Variants in TMEM80 observed in about 807,000 individuals in gnomAD.
TMEM80 encodes the protein transmembrane protein 80.
Under a neutral mutation model 13.6 loss-of-function variants are expected in TMEM80, and 16 were observed. The observed-to-expected ratio is 1.17, with a 90% CI of 0.79 to 1.78. The LOEUF is 1.78. Among genes scored for constraint, TMEM80 ranks in the 40% most tolerant of loss-of-function variants. The pLI is 0.00. For missense variants in TMEM80, 167 were observed against 184.6 expected (o/e 0.90, Z 0.55); for synonymous variants, 92 against 89.5 (o/e 1.03, Z -0.16).
intron 4 of TMEM80, among the ~76,000 whole-genome samples, chr11:701,465 C>A (rs1861472440): frequency 7.5e-6 from 1 of 133,762 alleles, no homozygotes; most frequent in Non-Finnish European, 1.5e-5. Context: ...GGCTGGAGTG[C>A]AGTGGCGTGA....
Position 704,029 on chromosome 11 carries a change from C to G in TMEM80, c.*879C>G. The stretch of plus-strand genomic sequence containing the variant: ...ACAGTAGCTTTCCCTTCACTTGATT[C>G]TATTGTGTGTTTTCTATGTTTGGAA... On this transcript the variant is annotated 3_prime_UTR_variant, in exon 5 of 5. Coordinates refer to ENST00000397510, the MANE Select transcript of TMEM80 (RefSeq NM_001042463.3). 4.2e-6 allele frequency: 5 copies of G among 1,196,044 alleles called. No individual in the cohort carries two copies. Among genetic ancestry groups the G allele is most frequent in the Non-Finnish European group, 3.1e-6 (3 of 963,636 alleles). 74.1% of individuals were successfully genotyped at this position (1,196,044 alleles called of 1,614,324 possible).
chr11:699,750 TC>T (rs1223025061), intron 2 of TMEM80: 2 of 180,024 alleles, frequency 1.1e-5, no homozygotes, highest in African/African-American at 4.8e-5. Flanking sequence ...AGACTCTATC[TC>T]AAAAAAAAAA....
chr11:700,705 T>C lies in TMEM80; in HGVS notation c.224T>C (p.Leu75Pro). 6.2e-7 allele frequency: 1 copy of C among 1,613,612 alleles called. No homozygotes were observed. Among genetic ancestry groups the C allele is most frequent in the South Asian group, 1.1e-5 (1 of 91,070 alleles). Residue 75 changes from leucine (L) to proline (P), a missense_variant and splice_region_variant, in exon 4 of 5, where the codon CTG becomes CCG. Physicochemically the swap from Leu to Pro is moderately conservative, Grantham distance 98. Coordinates refer to ENST00000397510, the MANE Select transcript of TMEM80 (RefSeq NM_001042463.3). The stretch of plus-strand genomic sequence containing the variant: ...ATTCTAGAAGCAGTTCGGTTATACC[T>C]GGGTGAGTGGACTGTTAACACCGTG... ...MGILEAVRLY[L>P]GTRGNLTEAE...
At chr11:695,960 C>A in intron 1 of TMEM80, 114 bp downstream of exon 1, 1 of 844,672 alleles carries the variant, frequency 1.2e-6, no homozygotes, top group Non-Finnish European at 1.6e-6. Context: ...GCCACCGTCT[C>A]TACGTGAGCG....
intron 2 of TMEM80, 198 bp downstream of exon 2, chr11:699,086 C>G (rs1861329754): frequency 1.5e-6 from 1 of 659,690 alleles, no homozygotes; most frequent in African/African-American, 1.8e-5. Context: ...CCCCTACCTG[C>G]TCAGCCCTGC....
Position 698,873 on chromosome 11 carries a change from A to G in TMEM80, c.24A>G (p.Arg8=), listed in dbSNP as rs1564960753. 1.2e-6 allele frequency: 2 copies of G among 1,613,998 alleles called. No homozygotes were observed. The highest frequency in any genetic ancestry group is 1.7e-6 in the Non-Finnish European group (2 of 1,180,016). The change falls in exon 2 of 5, where the codon AGA becomes AGG. Residue 8 remains arginine, a synonymous_variant. Coordinates refer to ENST00000397510, the MANE Select transcript of TMEM80 (RefSeq NM_001042463.3). MAAPRRG[R]GSSTVLSSVP... Reference sequence around the variant, plus strand: ...CACGGCCCCTTTCTCTTTCAGGGAGAGGATCCTCCACAGTGGTATCCTGCT... The same window carrying G: ...CACGGCCCCTTTCTCTTTCAGGGAGGGGATCCTCCACAGTGGTATCCTGCT...
At chr11:699,586 A>T in intron 2 of TMEM80, 1 of 154,558 alleles carries the variant, frequency 6.5e-6, no homozygotes, top group Non-Finnish European at 1.4e-5. Context: ...GTCCCTACTA[A>T]AAATACAAAA....
rs778048624 is a variant in TMEM80 at position 700,636 on chromosome 11, A to C, written c.155A>C (p.His52Pro). ...TCAGGTCAGGTGTTCAGCTATCCTC[A>C]CCGCTACCTGGTCCTCGATCTTGCT... ...TYKSQVFSYPHRYLVLDLALL... is the reference protein window; with the variant it reads ...TYKSQVFSYPPRYLVLDLALL... Residue 52 changes from histidine to proline, a missense_variant, in exon 4 of 5, where the codon CAC (histidine) becomes CCC (proline). Physicochemically the swap from His to Pro is moderately conservative, Grantham distance 77. Coordinates refer to ENST00000397510, the MANE Select transcript of TMEM80 (RefSeq NM_001042463.3). 2 of 1,613,780 alleles carry C rather than the reference A, an allele frequency of 1.2e-6. No homozygotes were observed. Among genetic ancestry groups the C allele is most frequent in the East Asian group, 4.5e-5 (2 of 44,860 alleles).
intron 4 of TMEM80, among the ~76,000 whole-genome samples, chr11:702,554 T>G (rs1344487448): frequency 2.0e-5 from 3 of 152,250 alleles, no homozygotes; most frequent in Admixed American, 6.5e-5. Flanking sequence ...AGAACTGGCC[T>G]TGGACCAGAG....
intron 1 of TMEM80, chr11:697,473 G>C (rs1042954034): frequency 6.6e-6 from 1 of 152,208 alleles, no homozygotes. Context: ...GGAATTGTTA[G>C]AACAGCGTAT....
rs926851272 is a variant in TMEM80 at position 703,803 on chromosome 11, C to T, written c.*653C>T. The stretch of plus-strand genomic sequence containing the variant: ...TTAGCCACACTTCTCCCTTCAGGGG[C>T]TTCGGAGGAGAGGTCAGGGCTAAGG... On this transcript the variant is annotated 3_prime_UTR_variant, in exon 5 of 5. Coordinates refer to ENST00000397510, the MANE Select transcript of TMEM80 (RefSeq NM_001042463.3). 1 of 1,233,210 alleles carries T rather than the reference C, an allele frequency of 8.1e-7. No individual in the cohort carries two copies. The allele number at this position is 1,233,210 out of a possible 1,614,324, so 76.4% of individuals were successfully genotyped here.
downstream of TMEM80, chr11:704,782 C>A: frequency 1.7e-6 from 1 of 598,882 alleles, no homozygotes; most frequent in Non-Finnish European, 2.5e-6. Context: ...TGAGGGCAGG[C>A]TCCGCACTCA....
chr11:704,046 T>C lies in TMEM80; in HGVS notation c.*896T>C, dbSNP rs768793881. 4 of 1,169,948 alleles carry C rather than the reference T, an allele frequency of 3.4e-6. No homozygotes were observed. Among genetic ancestry groups the C allele is most frequent in the Non-Finnish European group, 4.2e-6 (4 of 946,712 alleles). 72.5% of individuals were successfully genotyped at this position (1,169,948 alleles called of 1,614,324 possible). A position where few individuals can be genotyped will look rare whatever the true frequency, so the allele number is the denominator to read the frequency against. On this transcript the variant is annotated 3_prime_UTR_variant, in exon 5 of 5. Coordinates refer to ENST00000397510, the MANE Select transcript of TMEM80 (RefSeq NM_001042463.3). ...ACTTGATTCTATTGTGTGTTTTCTA[T>C]GTTTGGAATAATTACACCCAAATAT...
chr11:701,677 G>A lies in TMEM80; in HGVS notation c.226+970G>A, dbSNP rs188813851. The stretch of plus-strand genomic sequence containing the variant: ...GCCCACCTCGGCCTCCCAAAGTGCT[G>A]GGATTACAGGCGTGAGCCACCGCGC... On this transcript the variant is annotated intron_variant, in intron 4 of 4. Coordinates refer to ENST00000397510, the MANE Select transcript of TMEM80 (RefSeq NM_001042463.3). Among the ~76,000 whole-genome samples, 466 of 152,188 alleles carry A rather than the reference G, an allele frequency of 3.1e-3. 2 individuals carry two copies. Among genetic ancestry groups the A allele is most frequent in the African/African-American group, 0.011 (444 of 41,510 alleles).
At chr11:704,184 A>G (rs1861622350), downstream of TMEM80, 2 of 1,055,342 alleles carry the variant, frequency 1.9e-6, no homozygotes, top group East Asian at 6.7e-5. Flanking sequence ...CTGCCCTGCA[A>G]GAGAGCACAC....
intron 1 of TMEM80, chr11:698,026 T>C (rs939591416): frequency 6.6e-6 from 1 of 152,294 alleles, no homozygotes; most frequent in Non-Finnish European, 1.5e-5. Flanking sequence ...ACAGAGGCTG[T>C]GTTCAGGTTG....
Position 703,242 on chromosome 11 carries a change from G to A in TMEM80, c.*92G>A. The A allele has an allele frequency of 6.8e-7, 1 of 1,464,888 alleles. No individual in the cohort carries two copies. The highest frequency in any genetic ancestry group is 9.1e-7 in the Non-Finnish European group (1 of 1,101,844). The allele number at this position is 1,464,888 out of a possible 1,614,324, so 90.7% of individuals were successfully genotyped here. A position where few individuals can be genotyped will look rare whatever the true frequency, so the allele number is the denominator to read the frequency against. ...ACCTCCCCATTCCTGGACAGGAAGG[G>A]CACTTTTCCTAGTGACTGGCCATAG... On this transcript the variant is annotated 3_prime_UTR_variant, in exon 5 of 5. Transcript: ENST00000397510.
chr11:700,108 C>T lies in TMEM80; in HGVS notation c.40-34C>T, dbSNP rs774632395. On this transcript the variant is annotated intron_variant, in intron 2 of 4. Coordinates refer to ENST00000397510, the MANE Select transcript of TMEM80 (RefSeq NM_001042463.3). ...GCCACCTGGGAGGCTGCTCCCAAGC[C>T]TGTTGAGCTTGAGGATCCTTAACCA... The T allele has an allele frequency of 3.2e-6, 5 of 1,585,954 alleles. No individual in the cohort carries two copies. The East Asian group carries it at 8.9e-5, about 28-fold the overall frequency.
At chr11:702,808 C>T in intron 4 of TMEM80, 137 bp from the exon 5 acceptor site, 2 of 819,434 alleles carry the variant, frequency 2.4e-6, no homozygotes, top group East Asian at 2.7e-5. Context: ...GAGGCTGTTT[C>T]CCTGGAATTC....
Sources: allele counts gnomAD v4.1 joint callset (sites outside exome capture counted in the v4.1 genomes callset), GRCh38; gene constraint gnomAD v4.1.1; transcripts MANE v1.5; gene names NCBI Gene and HGNC (gene_info 2026-07-23, HGNC 2026-07-21).